Variants in ARHGEF18 observed in about 807,000 individuals in gnomAD.
ARHGEF18 encodes the protein Rho/Rac guanine nucleotide exchange factor 18.
In ARHGEF18, 93 loss-of-function variants were observed where a neutral mutation model predicts 155.7. The ratio of observed to expected loss-of-function variants is 0.60; its 90% confidence interval spans 0.50 to 0.71. The LOEUF is 0.71. Ranked by LOEUF, ARHGEF18 falls within the 30% of genes least tolerant of loss-of-function variation. The probability of loss-of-function intolerance (pLI) is 0.00; values close to 1 mark genes in which losing one functional copy is unlikely to be tolerated. For synonymous variants in ARHGEF18, 742 were observed against 753.1 expected (o/e 0.99, Z 0.24); for missense variants, 1,593 against 1,816.1 (o/e 0.88, Z 2.23).
At chr19:7,389,486 TCTTC>T (rs1416667915) in intron 10 of ARHGEF18, among the ~76,000 whole-genome samples, 1 of 114,136 alleles carries the variant, frequency 8.8e-6, no homozygotes, top group African/African-American at 3.3e-5. Context: ...CTTCCTTCCT[TCTTC>T]CTTCCTCCCT....
chr19:7,447,493 C>CA (rs1021003142), intron 15 of ARHGEF18, among the ~76,000 whole-genome samples: 45 of 146,046 alleles, frequency 3.1e-4, no homozygotes, highest in African/African-American at 9.4e-4. Context: ...GACTCTGTCT[C>CA]AAAAAAAACA....
chr19:7,404,042 T>C (rs2145582008), intron 10 of ARHGEF18, among the ~76,000 whole-genome samples: 1 of 148,932 alleles, frequency 6.7e-6, no homozygotes, highest in Middle Eastern at 3.4e-3. Flanking sequence ...CATGTCAGCC[T>C]GGGCAACAGA....
chr19:7,376,668 G>A lies in ARHGEF18; in HGVS notation c.452G>A (p.Gly151Glu). 1 of 1,234,426 alleles carries A rather than the reference G, an allele frequency of 8.1e-7. No homozygotes were observed. The highest frequency in any genetic ancestry group is 1.0e-6 in the Non-Finnish European group (1 of 988,228). 76.5% of individuals were successfully genotyped at this position (1,234,426 alleles called of 1,614,324 possible). A position where few individuals can be genotyped will look rare whatever the true frequency, so the allele number is the denominator to read the frequency against. Residue 151 changes from glycine (G) to glutamate (E), a missense_variant, in exon 5 of 29, where the codon GGG becomes GAG. Physicochemically the swap from Gly to Glu is moderately conservative, Grantham distance 98. Coordinates refer to ENST00000668164, the MANE Select transcript of ARHGEF18 (RefSeq NM_001367823.1). ...GKECDSPKKR[G>E]RSRSVPVSFY... ...GAATGTGACAGCCCCAAGAAAAGAG[G>A]GAGGTCAAGGTCCGTTCCTGTGTCC... is the stretch of plus-strand genomic sequence containing the variant.
At chr19:7,369,891 C>T (rs1186951761) in intron 2 of ARHGEF18, among the ~76,000 whole-genome samples, 4 of 151,298 alleles carry the variant, frequency 2.6e-5, no homozygotes, top group Non-Finnish European at 5.9e-5. Flanking sequence ...AGCGAGATGC[C>T]GTCTCAAAAA....
At chr19:7,479,043 C>T in the ARHGEF18 span, among the ~76,000 whole-genome samples, 1 of 152,202 alleles carries the variant, frequency 6.6e-6, no homozygotes, top group African/African-American at 2.4e-5. Flanking sequence ...GTGACTGTGA[C>T]AGAATGGGCA....
chr19:7,376,768 TG>T lies in ARHGEF18; in HGVS notation c.541+14del. Reference sequence around the variant, plus strand: ...CTCCACCTGTTCAAGGTAGCCAGCCTGGGAGTTTCCTTCATTCAAACCAAGT... The same window carrying T: ...CTCCACCTGTTCAAGGTAGCCAGCCTGGAGTTTCCTTCATTCAAACCAAGT... On this transcript the variant is annotated intron_variant, in intron 5 of 28. Transcript: ENST00000668164. The T allele has an allele frequency of 8.1e-7, 1 of 1,232,796 alleles. No individual in the cohort carries two copies. The highest frequency in any genetic ancestry group is 1.0e-6 in the Non-Finnish European group (1 of 986,734). 76.4% of individuals were successfully genotyped at this position (1,232,796 alleles called of 1,614,324 possible). A position where few individuals can be genotyped will look rare whatever the true frequency, so the allele number is the denominator to read the frequency against.
chr19:7,403,042 C>G (rs939187187), intron 10 of ARHGEF18, among the ~76,000 whole-genome samples: 1 of 152,200 alleles, frequency 6.6e-6, no homozygotes, highest in African/African-American at 2.4e-5. Context: ...GAGACAGAAT[C>G]TCACTCTGTC....
intron 10 of ARHGEF18, among the ~76,000 whole-genome samples, chr19:7,419,227 C>A (rs1336907039): frequency 6.0e-5 from 9 of 149,912 alleles, no homozygotes; most frequent in East Asian, 4.0e-4. Flanking sequence ...CACACTCGGC[C>A]TCTGTACCCC....
chr19:7,353,126 G>A (rs566126565), intron 1 of ARHGEF18, among the ~76,000 whole-genome samples: 121 of 151,186 alleles, frequency 8.0e-4, no homozygotes, highest in African/African-American at 2.8e-3. Flanking sequence ...GTGAGCCACC[G>A]CGCCTGGCCC....
At chr19:7,466,418 C>T (rs193156330) in intron 23 of ARHGEF18, among the ~76,000 whole-genome samples, 1 of 146,324 alleles carries the variant, frequency 6.8e-6, no homozygotes, top group African/African-American at 2.5e-5. Flanking sequence ...ATAGCTGATC[C>T]TGGTGGTGCA....
chr19:7,470,144 C>G lies in ARHGEF18; in HGVS notation c.3932C>G (p.Pro1311Arg), dbSNP rs768494322. 5.6e-6 allele frequency: 9 copies of G among 1,612,204 alleles called. No homozygotes were observed. Among genetic ancestry groups the G allele is most frequent in the Non-Finnish European group, 7.6e-6 (9 of 1,179,666 alleles). ...GTTCCAGACCCTGGCTTCCCCGCCC[C>G]GAGCCCACCGCCAGCTGACAGCCCC... ...APPPDPGFPA[P>R]SPPPADSPSE... is the part of the protein sequence containing the mutation. The change falls in exon 29 of 29, where the codon CCG (proline) becomes CGG (arginine). Residue 1311 changes from proline to arginine, a missense_variant. Physicochemically the swap from Pro to Arg is moderately radical, Grantham distance 103. Coordinates refer to ENST00000668164, the MANE Select transcript of ARHGEF18 (RefSeq NM_001367823.1). The surrounding 1 kb of genome is among the most constrained non-coding windows in gnomAD (Gnocchi z 5.9).
At position 7,438,014 on chromosome 19, in the gene ARHGEF18, C is replaced by T. The variant is rs1360123792; in HGVS notation, c.968-2330C>T. Among the ~76,000 whole-genome samples, 11 of 124,044 alleles carry T rather than the reference C, an allele frequency of 8.9e-5. No homozygotes were observed. In the East Asian group the frequency reaches 3.2e-3, roughly 36 times the overall value. The allele number at this position is 124,044 out of a possible 152,430, so 81.4% of individuals were successfully genotyped here. The stretch of plus-strand genomic sequence containing the variant: ...CTCTCTCCTCCCCTCCCCTCCCCTC[C>T]CCTCCCTTCCCTTCCCCTCTCCTCT... On this transcript the variant is annotated intron_variant, in intron 10 of 28. Coordinates refer to ENST00000668164, the MANE Select transcript of ARHGEF18 (RefSeq NM_001367823.1).
At chr19:7,356,052 C>T (rs1443068481) in intron 1 of ARHGEF18, among the ~76,000 whole-genome samples, 1 of 152,070 alleles carries the variant, frequency 6.6e-6, no homozygotes, top group Non-Finnish European at 1.5e-5. Flanking sequence ...GGCCCAGCTG[C>T]AGGACAGGAG....
chr19:7,431,133 G>A (rs1172745494), intron 10 of ARHGEF18, among the ~76,000 whole-genome samples: 2 of 152,088 alleles, frequency 1.3e-5, no homozygotes, highest in Non-Finnish European at 2.9e-5. Flanking sequence ...TAGCCAGGGC[G>A]ACAGAGTGAG....
At chr19:7,358,473 C>T (rs139742361) in intron 1 of ARHGEF18, among the ~76,000 whole-genome samples, 1 of 152,184 alleles carries the variant, frequency 6.6e-6, no homozygotes, top group Non-Finnish European at 1.5e-5. Context: ...TCCAACCATT[C>T]ACCCATCTGT....
intron 7 of ARHGEF18, among the ~76,000 whole-genome samples, chr19:7,380,204 C>T (rs926744367): frequency 1.3e-5 from 2 of 151,390 alleles, no homozygotes; most frequent in African/African-American, 2.4e-5. Context: ...GTGGGCTGGG[C>T]GCAGTGGCTC....
intron 10 of ARHGEF18, among the ~76,000 whole-genome samples, chr19:7,421,320 TCTG>T (rs1358247658): frequency 6.6e-6 from 1 of 152,178 alleles, no homozygotes; most frequent in African/African-American, 2.4e-5. Context: ...AGCCACAGGT[TCTG>T]CTTCTGCAAC....
rs201204829 is a variant in ARHGEF18 at position 7,468,925 on chromosome 19, G to A, written c.3581G>A (p.Arg1194His). The A allele has an allele frequency of 3.4e-4, 534 of 1,575,640 alleles. No homozygotes were observed. The highest frequency in any genetic ancestry group is 5.2e-4 in the South Asian group (45 of 86,232). The change falls in exon 27 of 29, where the codon CGC becomes CAC. Residue 1194 changes from arginine (R) to histidine (H), a missense_variant. Physicochemically the swap from Arg to His is conservative, Grantham distance 29 (BLOSUM62 0). Coordinates refer to ENST00000668164, the MANE Select transcript of ARHGEF18 (RefSeq NM_001367823.1). ...PSGVGPEYAE[R>H]PEVARRDSAP... ...GGCGTGGGGCCAGAGTACGCAGAGC[G>A]CCCCGAGGTGGCTCGCCGGGACAGC...
rs573373841 is a variant in ARHGEF18, at chr19:7,444,591, G to A, written c.1611+137G>A. ...AGTGGTGCAGTCACAGCTCAATGCA[G>A]CCTCAACCTCTCAGGCTCAGGTGAT... On this transcript the variant is annotated intron_variant, in intron 14 of 28. Coordinates refer to ENST00000668164, the MANE Select transcript of ARHGEF18 (RefSeq NM_001367823.1). The surrounding 1 kb of genome is among the most constrained non-coding windows in gnomAD (Gnocchi z 4.7). 1 of 1,269,446 alleles carries A rather than the reference G, an allele frequency of 7.9e-7. No homozygotes were observed. The highest frequency in any genetic ancestry group is 1.1e-6 in the Non-Finnish European group (1 of 940,044). The allele number at this position is 1,269,446 out of a possible 1,614,324, so 78.6% of individuals were successfully genotyped here.
Sources: allele counts gnomAD v4.1 joint callset (sites outside exome capture counted in the v4.1 genomes callset), GRCh38; gene constraint gnomAD v4.1.1; non-coding constraint Gnocchi (gnomAD v3.1); transcripts MANE v1.5; gene names NCBI Gene and HGNC (gene_info 2026-07-23, HGNC 2026-07-21).